Variants in DDX55 observed in about 807,000 individuals in gnomAD.
The protein encoded by DDX55 is ATP-dependent RNA helicase DDX55.
DDX55 carries 56 observed loss-of-function variants against 69.2 expected under a neutral mutation model. The observed-to-expected ratio is 0.81, with a 90% CI of 0.65 to 1.01. The LOEUF is 1.01. Ranked by LOEUF, DDX55 falls within the 50% of genes least tolerant of loss-of-function variation. The probability of loss-of-function intolerance (pLI) is 0.00; values close to 1 mark genes in which losing one functional copy is unlikely to be tolerated. For synonymous variants in DDX55, 268 were observed against 273.1 expected, an observed-to-expected ratio of 0.98 and a Z score of 0.18; for missense variants, 720 against 745.1, an observed-to-expected ratio of 0.97 and a Z score of 0.39.
In DDX55 at chr12:123,615,322, TG is replaced by T. The variant is rs773816120; in HGVS notation, c.956+9del. On this transcript the variant is annotated splice_region_variant and intron_variant, in intron 9 of 13. Coordinates refer to ENST00000238146, the MANE Select transcript of DDX55 (RefSeq NM_020936.3). ...GAGTTCCGCAAATTGCAAAGGTGGGTGGGCTTCATTGAAGGTAGCAGCTCTC... is the reference window on the plus strand; with the variant it reads ...GAGTTCCGCAAATTGCAAAGGTGGGTGGCTTCATTGAAGGTAGCAGCTCTC... 1.2e-6 allele frequency: 2 copies of T among 1,613,264 alleles called. No individual in the cohort carries two copies. The highest frequency in any genetic ancestry group is 4.5e-5 in the East Asian group (2 of 44,822).
Position 123,620,238 on chromosome 12 carries a change from A to G in DDX55, c.*98A>G. ...AACGAAAATCACAACTTCAGGAGAC[A>G]TCTGAAAAGAATGATGTCTCTGAAA... On this transcript the variant is annotated 3_prime_UTR_variant, in exon 14 of 14. Coordinates refer to ENST00000238146, the MANE Select transcript of DDX55 (RefSeq NM_020936.3). 2.5e-6 allele frequency: 3 copies of G among 1,198,870 alleles called. No homozygotes were observed. Among genetic ancestry groups the G allele is most frequent in the Non-Finnish European group, 3.5e-6 (3 of 858,612 alleles). 74.3% of individuals were successfully genotyped at this position (1,198,870 alleles called of 1,614,324 possible). A position where few individuals can be genotyped will look rare whatever the true frequency, so the allele number is the denominator to read the frequency against.
At chr12:123,611,429 CT>C in intron 7 of DDX55, among the ~76,000 whole-genome samples, 1 of 152,368 alleles carries the variant, frequency 6.6e-6, no homozygotes, top group Non-Finnish European at 1.5e-5. Flanking sequence ...GCCAGTGCCA[CT>C]GCTGACGGTA....
Position 123,620,580 on chromosome 12 carries a change from TTATA to T in DDX55, c.*485_*488del, listed in dbSNP as rs68169681. On this transcript the variant is annotated 3_prime_UTR_variant, in exon 14 of 14. Coordinates refer to ENST00000238146, the MANE Select transcript of DDX55 (RefSeq NM_020936.3). ...GGTCACATATAGACATATGTACATA[TTATA>T]TATATATATATATATATATATATAT... 1,053 of 64,704 alleles carry T rather than the reference TTATA, an allele frequency of 0.016. 21 individuals carry two copies. The highest frequency in any genetic ancestry group is 0.025 in the African/African-American group (382 of 15,332). 4.0% of individuals were successfully genotyped at this position (64,704 alleles called of 1,614,324 possible).
At chr12:123,609,515 A>G (rs1279380982) in intron 6 of DDX55, among the ~76,000 whole-genome samples, 2 of 151,360 alleles carry the variant, frequency 1.3e-5, no homozygotes, top group Non-Finnish European at 2.9e-5. Context: ...ATCTGGGACT[A>G]CAGGCACATG....
chr12:123,611,024 C>T (rs916340827), intron 7 of DDX55, among the ~76,000 whole-genome samples: 1 of 152,058 alleles, frequency 6.6e-6, no homozygotes, highest in Non-Finnish European at 1.5e-5. Flanking sequence ...CTCAGTCTCC[C>T]GAGTAGCTGG....
chr12:123,618,417 G>A (rs187193402), intron 11 of DDX55: 1 of 1,080,474 alleles, frequency 9.3e-7, no homozygotes, highest in Admixed American at 1.8e-5. Context: ...TACTTCTTGT[G>A]AATAGAGACC....
chr12:123,605,877 C>A (rs536697574), intron 1 of DDX55, 54 bp from the exon 2 acceptor site: 2 of 1,613,210 alleles, frequency 1.2e-6, no homozygotes, highest in Admixed American at 3.3e-5. Context: ...CTTCGGGTCT[C>A]ACCTGTGAAT....
At chr12:123,604,404 G>A (rs1953763391) in intron 1 of DDX55, among the ~76,000 whole-genome samples, 1 of 152,120 alleles carries the variant, frequency 6.6e-6, no homozygotes, top group Non-Finnish European at 1.5e-5. Flanking sequence ...AATAAATGAA[G>A]TCTTGAGTTT....
intron 1 of DDX55, chr12:123,605,356 T>TA (rs1322539480): frequency 1.8e-5 from 3 of 168,262 alleles, no homozygotes; most frequent in Non-Finnish European, 3.9e-5. Flanking sequence ...AATGTCTCCT[T>TA]ACATTGTCAA....
At position 123,605,859 on chromosome 12, in the gene DDX55, T is replaced by C. The variant is rs1348026288; in HGVS notation, c.109-72T>C. The stretch of plus-strand genomic sequence containing the variant: ...CTGTGACCTTAGCTGCCCATTATGT[T>C]CCTAGGGCTTCGGGTCTCACCTGTG... On this transcript the variant is annotated intron_variant, in intron 1 of 13. Coordinates refer to ENST00000238146, the MANE Select transcript of DDX55 (RefSeq NM_020936.3). 1.9e-6 allele frequency: 3 copies of C among 1,605,274 alleles called. No individual in the cohort carries two copies. In the Admixed American group the frequency reaches 5.0e-5, roughly 27 times the overall value.
intron 10 of DDX55, 34 bp from the exon 11 acceptor site, chr12:123,617,724 C>G: frequency 1.3e-6 from 2 of 1,577,838 alleles, no homozygotes; most frequent in Non-Finnish European, 1.7e-6. Flanking sequence ...GCTGTCATCA[C>G]CTGGGTACCC....
rs766642989 is a variant in DDX55, at chr12:123,619,511, T to C, written c.1413T>C (p.Phe471=). The C allele has an allele frequency of 1.9e-6, 3 of 1,613,896 alleles. No homozygotes were observed. In the Admixed American group the frequency reaches 5.0e-5, roughly 27 times the overall value. Residue 471 remains phenylalanine, a synonymous_variant, in exon 13 of 14, where the codon TTT becomes TTC. Coordinates refer to ENST00000238146, the MANE Select transcript of DDX55 (RefSeq NM_020936.3). ...PKMPELRGKQ[F]PDFVPVDVNT... is the part of the protein sequence containing the mutation. ...TGCCAGAATTGAGAGGAAAGCAGTTTCCAGATTTTGTGCCCGTGGACGTTA... is the reference window on the plus strand; with the variant it reads ...TGCCAGAATTGAGAGGAAAGCAGTTCCCAGATTTTGTGCCCGTGGACGTTA...
In DDX55 at chr12:123,620,037, G is replaced by A; in HGVS notation, c.1700G>A (p.Gly567Asp). The A allele has an allele frequency of 6.2e-7, 1 of 1,614,100 alleles. No homozygotes were observed. Among genetic ancestry groups the A allele is most frequent in the African/African-American group, 1.3e-5 (1 of 75,042 alleles). ...AGACTCTTGAAAAAACTTAAGAAAG[G>A]CAAAATAACTGAAGAAGAATTTGAG... is the stretch of plus-strand genomic sequence containing the variant. ...DTRLLKKLKK[G>D]KITEEEFEKG... Residue 567 changes from glycine (G) to aspartate (D), a missense_variant, in exon 14 of 14, where the codon GGC (glycine) becomes GAC (aspartate). By Grantham distance (94) the Gly-to-Asp change is moderately conservative. Transcript: ENST00000238146.
rs548879870 is a variant in DDX55, at chr12:123,619,147, C to T, written c.1334-285C>T. 3.0e-3 allele frequency among the ~76,000 whole-genome samples: 451 copies of T among 152,330 alleles called. 1 individual carries two copies. Among genetic ancestry groups the T allele is most frequent in the Non-Finnish European group, 4.2e-3 (284 of 68,036 alleles). On this transcript the variant is annotated intron_variant, in intron 12 of 13. Coordinates refer to ENST00000238146, the MANE Select transcript of DDX55 (RefSeq NM_020936.3). Reference sequence around the variant, plus strand: ...CCTCCCGAGTAGCTGGGACTACAGGCGCCCGCCACCACGCCCAGCTAATTT... The same window carrying T: ...CCTCCCGAGTAGCTGGGACTACAGGTGCCCGCCACCACGCCCAGCTAATTT...
intron 7 of DDX55, among the ~76,000 whole-genome samples, chr12:123,610,762 C>A (rs552972055): frequency 1.8e-4 from 28 of 151,774 alleles, no homozygotes; most frequent in African/African-American, 6.5e-4. Context: ...CAGGCGCCCG[C>A]CACCACGCCC....
chr12:123,602,321 C>T (rs1444987211), intron 1 of DDX55, 65 bp downstream of exon 1: 3 of 1,413,250 alleles, frequency 2.1e-6, no homozygotes, highest in Non-Finnish European at 2.9e-6. Flanking sequence ...GCATCGGACC[C>T]ACAGGAGGTG....
chr12:123,604,271 G>C (rs1246695702), intron 1 of DDX55, among the ~76,000 whole-genome samples: 1 of 151,990 alleles, frequency 6.6e-6, no homozygotes, highest in Non-Finnish European at 1.5e-5. Flanking sequence ...GGCCGGGCAC[G>C]GTGGCTCACG....
chr12:123,604,394 A>G (rs1275588284), intron 1 of DDX55, among the ~76,000 whole-genome samples: 1 of 152,186 alleles, frequency 6.6e-6, no homozygotes, highest in Non-Finnish European at 1.5e-5. Flanking sequence ...ATTTTTTTTA[A>G]ATAAATGAAG....
At chr12:123,609,808 C>A in intron 6 of DDX55, 131 bp from the exon 7 acceptor site, 1 of 1,045,768 alleles carries the variant, frequency 9.6e-7, no homozygotes, top group Non-Finnish European at 1.4e-6. Context: ...TCTCACCTCC[C>A]AGTGTATGTG....
Sources: allele counts gnomAD v4.1 joint callset (sites outside exome capture counted in the v4.1 genomes callset), GRCh38; gene constraint gnomAD v4.1.1; transcripts MANE v1.5; gene names NCBI Gene and HGNC (gene_info 2026-07-23, HGNC 2026-07-21).